The following DENND1A variants were observed in gnomAD, a reference collection of about 807,000 sequenced individuals.
DENND1A encodes the protein DENN domain containing 1A, also known as DENN domain-containing protein 1A.
A neutral mutation model predicts 113.7 loss-of-function variants in DENND1A; 51 were observed. The ratio of observed to expected loss-of-function variants is 0.45; its 90% CI spans 0.36 to 0.57. The LOEUF (loss-of-function observed/expected upper bound fraction) is 0.57, where lower values mean the gene tolerates loss of function less well. Among genes scored for constraint, DENND1A ranks in the 20% least tolerant of loss-of-function variants. The probability of loss-of-function intolerance (pLI) is 0.00; values close to 1 mark genes in which losing one functional copy is unlikely to be tolerated. For missense variants in DENND1A, 1,258 were observed against 1,395.9 expected (o/e 0.90, Z 1.57); for synonymous variants, 565 against 570.8 (o/e 0.99, Z 0.14).
intron 5 of DENND1A, among the ~76,000 whole-genome samples, chr9:123,717,247 T>G (rs2067032789): frequency 6.6e-6 from 1 of 152,126 alleles, no homozygotes. Flanking sequence ...GACTGTAAAA[T>G]CATGAGAGTG....
chr9:123,620,889 G>A (rs1306916520), intron 10 of DENND1A, among the ~76,000 whole-genome samples: 2 of 150,998 alleles, frequency 1.3e-5, no homozygotes, highest in African/African-American at 4.9e-5. Flanking sequence ...TTGACTGGAT[G>A]CTTGAGTTCG....
At chr9:123,914,642 T>C (rs1854745000) in intron 1 of DENND1A, among the ~76,000 whole-genome samples, 1 of 151,432 alleles carries the variant, frequency 6.6e-6, no homozygotes, top group Non-Finnish European at 1.5e-5. Context: ...AGTGCTGGCA[T>C]CTGCTTCTGG....
chr9:123,793,672 G>A (rs369323546), intron 2 of DENND1A, among the ~76,000 whole-genome samples: 7 of 152,122 alleles, frequency 4.6e-5, no homozygotes, highest in East Asian at 3.9e-4. Flanking sequence ...ATGAATCCAC[G>A]TAAAAGTTCA....
At chr9:123,605,874 T>C (rs2060133159) in intron 11 of DENND1A, among the ~76,000 whole-genome samples, 1 of 152,262 alleles carries the variant, frequency 6.6e-6, no homozygotes, top group Non-Finnish European at 1.5e-5. Flanking sequence ...GCCACATTCA[T>C]TTGAAGTTTA....
At chr9:123,672,750 C>G (rs2063829394) in intron 6 of DENND1A, among the ~76,000 whole-genome samples, 1 of 152,210 alleles carries the variant, frequency 6.6e-6, no homozygotes, top group African/African-American at 2.4e-5. Context: ...ATGCCAGCAC[C>G]AGGCTCTTGG....
At chr9:123,387,189 G>A (rs1159711026) in intron 22 of DENND1A, among the ~76,000 whole-genome samples, 1 of 152,204 alleles carries the variant, frequency 6.6e-6, no homozygotes, top group Non-Finnish European at 1.5e-5. Flanking sequence ...TGGATGGTGG[G>A]TGAAACTTTT....
At chr9:123,757,972 TA>T in intron 4 of DENND1A, 150 bp from the exon 5 acceptor site, 5 of 656,684 alleles carry the variant, frequency 7.6e-6, no homozygotes, top group Non-Finnish European at 1.0e-5. Flanking sequence ...GACTGTAAGC[TA>T]GTTAAAAAAA....
At chr9:123,604,228 C>T (rs1321355371) in intron 11 of DENND1A, among the ~76,000 whole-genome samples, 1 of 152,224 alleles carries the variant, frequency 6.6e-6, no homozygotes, top group African/African-American at 2.4e-5. Flanking sequence ...TTTGCAGATG[C>T]TGCTCTCTGC....
intron 4 of DENND1A, among the ~76,000 whole-genome samples, chr9:123,765,776 T>C (rs1215872057): frequency 6.6e-6 from 1 of 152,150 alleles, no homozygotes; most frequent in East Asian, 1.9e-4. Flanking sequence ...TTAGTAATAA[T>C]GAGTTTTTGA....
rs755339464 is a variant in DENND1A, at chr9:123,382,177, G to A, written c.2468C>T (p.Thr823Ile). 6.2e-7 allele frequency: 1 copy of A among 1,609,260 alleles called. No individual in the cohort carries two copies. The highest frequency in any genetic ancestry group is 1.1e-5 in the South Asian group (1 of 90,764). The change falls in exon 24 of 24, where the codon ACT becomes ATT. Residue 823 changes from threonine (T) to isoleucine (I), a missense_variant. Thr to Ile is a moderately conservative substitution (Grantham distance 89). Coordinates refer to ENST00000394215, the MANE Select transcript of DENND1A (RefSeq NM_001352964.2). ...LLPGVVPQGP[T>I]ELLQPLSPGP... ...AGGGCTGAGCGGCTGGAGCAGTTCAGTGGGGCCTTGGGGGACAACACCAGG... is the reference window on the plus strand; with the variant it reads ...AGGGCTGAGCGGCTGGAGCAGTTCAATGGGGCCTTGGGGGACAACACCAGG...
intron 13 of DENND1A, among the ~76,000 whole-genome samples, chr9:123,505,206 T>C (rs1345493631): frequency 6.6e-6 from 1 of 152,260 alleles, no homozygotes; most frequent in Non-Finnish European, 1.5e-5. Context: ...TAAATTACAA[T>C]ATGTACAAGT....
chr9:123,618,720 G>A (rs760227374), intron 10 of DENND1A, among the ~76,000 whole-genome samples: 19 of 152,172 alleles, frequency 1.2e-4, no homozygotes, highest in Non-Finnish European at 2.4e-4. Context: ...GTGTTAAAGG[G>A]ACACCTTGTC....
intron 2 of DENND1A, among the ~76,000 whole-genome samples, chr9:123,805,236 T>C (rs187964363): frequency 4.6e-5 from 7 of 152,260 alleles, no homozygotes; most frequent in African/African-American, 1.7e-4. Context: ...TGTTTCTCTT[T>C]AGTGCATTTC....
chr9:123,667,704 C>T (rs2063559074), intron 7 of DENND1A, among the ~76,000 whole-genome samples: 1 of 152,168 alleles, frequency 6.6e-6, no homozygotes, highest in Non-Finnish European at 1.5e-5. Flanking sequence ...TTCAGTGAGG[C>T]AAGTGTATTC....
Position 123,381,691 on chromosome 9 carries a change from A to G in DENND1A, c.2954T>C (p.Leu985Ser). 1 of 1,573,636 alleles carries G rather than the reference A, an allele frequency of 6.4e-7. No individual in the cohort carries two copies. Among genetic ancestry groups the G allele is most frequent in the Non-Finnish European group, 8.6e-7 (1 of 1,159,250 alleles). Residue 985 changes from leucine to serine, a missense_variant, in exon 24 of 24, where the codon TTG becomes TCG. This residue lies in a region of DENND1A where 1,159 missense variants were observed against 1,231.7 expected (regional missense o/e 0.94). Transcript: ENST00000394215. The surrounding 1 kb of genome is among the most constrained non-coding windows in gnomAD (Gnocchi z 4.7). ...CCTGGCACTTGAGCGGGCCAGGGGCAACGTTCGGATCCTCGACGGGGCAAC... is the reference window on the plus strand; with the variant it reads ...CCTGGCACTTGAGCGGGCCAGGGGCGACGTTCGGATCCTCGACGGGGCAAC... ...PAVAPSRIRT[L>S]PLARSSARAA...
intron 13 of DENND1A, among the ~76,000 whole-genome samples, chr9:123,499,134 A>G (rs1311597932): frequency 6.6e-6 from 1 of 151,816 alleles, no homozygotes; most frequent in East Asian, 1.9e-4. Context: ...CCCAGGTTCA[A>G]GCTATTCTCC....
At chr9:123,715,916 TC>T (rs1189840831) in intron 5 of DENND1A, among the ~76,000 whole-genome samples, 2 of 151,776 alleles carry the variant, frequency 1.3e-5, no homozygotes, top group Admixed American at 6.6e-5. Context: ...CCTCAAGCGA[TC>T]CCCCCACCTC....
chr9:123,713,293 A>G (rs2066753893), intron 5 of DENND1A, among the ~76,000 whole-genome samples: 1 of 152,254 alleles, frequency 6.6e-6, no homozygotes, highest in African/African-American at 2.4e-5. Context: ...TCACCTGAGG[A>G]CTAAAAGCAG....
intron 6 of DENND1A, among the ~76,000 whole-genome samples, chr9:123,673,207 A>G (rs1387101164): frequency 1.3e-5 from 2 of 152,256 alleles, no homozygotes; most frequent in Admixed American, 1.3e-4. Flanking sequence ...TTCTCTTTGC[A>G]GTAAATAACC....
Sources: gnomAD v4.1 joint callset for allele counts (sites outside exome capture counted in the v4.1 genomes callset) on GRCh38, gnomAD v4.1.1 for gene constraint, gnomAD v4.1.1 regional missense constraint, Gnocchi (gnomAD v3.1) non-coding constraint, MANE v1.5 for transcripts, NCBI Gene and HGNC (gene_info 2026-07-23, HGNC 2026-07-21) for gene names.